Variants in FILIP1L observed in about 807,000 individuals in gnomAD.
FILIP1L encodes the protein filamin A interacting protein 1 like.
In FILIP1L, 55 loss-of-function variants were observed where a neutral mutation model predicts 96.6. That is an observed-to-expected ratio of 0.57 (90% CI 0.46 to 0.71). The LOEUF (loss-of-function observed/expected upper bound fraction) is 0.71, where lower values mean the gene tolerates loss of function less well. Among genes scored for constraint, FILIP1L ranks in the 30% least tolerant of loss-of-function variants. The probability of loss-of-function intolerance (pLI) is 0.00; values close to 1 mark genes in which losing one functional copy is unlikely to be tolerated. For synonymous variants in FILIP1L, 467 were observed against 473.9 expected (o/e 0.99, Z 0.19); for missense variants, 1,304 against 1,321.2 (o/e 0.99, Z 0.20).
At chr3:99,964,534 A>C (rs1299542535) in intron 1 of FILIP1L, 1 of 152,282 alleles carries the variant, frequency 6.6e-6, no homozygotes, top group African/African-American at 2.4e-5. Flanking sequence ...GCCAAAACCC[A>C]AATCTCATTC....
chr3:99,884,327 A>G (rs1467552254), intron 4 of FILIP1L, among the ~76,000 whole-genome samples: 30 of 152,244 alleles, frequency 2.0e-4, no homozygotes, highest in Non-Finnish European at 1.5e-5. Flanking sequence ...AATAGAAAGT[A>G]CATGGAAAAG....
intron 4 of FILIP1L, among the ~76,000 whole-genome samples, chr3:99,867,664 G>A (rs1368117894): frequency 6.6e-6 from 1 of 152,088 alleles, no homozygotes; most frequent in Admixed American, 6.6e-5. Context: ...GGTCTACAAA[G>A]CCTTTGGCAA....
At position 100,020,760 on chromosome 3, in the gene FILIP1L, C is replaced by CTTTTTTTTTT. The variant is rs34665880; in HGVS notation, c.-10-89740_-10-89731dup. On this transcript the variant is annotated intron_variant, in intron 1 of 5. Transcript: ENST00000477258. ...TTTTTAGAAAGTAATGAATAATTAG[C>CTTTTTTTTTT]TTTTTTTTTTTTTTTTTTTTTTTTT... Among the ~76,000 whole-genome samples the CTTTTTTTTTT allele has an allele frequency of 5.6e-5, 4 of 70,994 alleles. 1 individual carries two copies. The highest frequency in any genetic ancestry group is 1.2e-4 in the African/African-American group (2 of 17,038). 46.6% of individuals were successfully genotyped at this position (70,994 alleles called of 152,430 possible). A position where few individuals can be genotyped will look rare whatever the true frequency, so the allele number is the denominator to read the frequency against.
chr3:99,942,464 A>G (rs1310902897), intron 1 of FILIP1L, among the ~76,000 whole-genome samples: 1 of 152,214 alleles, frequency 6.6e-6, no homozygotes, highest in Non-Finnish European at 1.5e-5. Context: ...TACATTTTGT[A>G]TATTTGGAAA....
intron 1 of FILIP1L, among the ~76,000 whole-genome samples, chr3:100,058,161 T>A (rs1333414139): frequency 1.3e-5 from 2 of 152,208 alleles, no homozygotes; most frequent in Non-Finnish European, 1.5e-5. Context: ...GAACCAAGAC[T>A]GAGACTCCTA....
At chr3:99,993,637 T>A (rs1387024192) in intron 1 of FILIP1L, among the ~76,000 whole-genome samples, 3 of 152,170 alleles carry the variant, frequency 2.0e-5, no homozygotes, top group Non-Finnish European at 2.9e-5. Context: ...CTTTATTATG[T>A]TAATGTGTGT....
chr3:99,842,236 G>A (rs1452498651), intron 5 of FILIP1L, among the ~76,000 whole-genome samples: 3 of 152,170 alleles, frequency 2.0e-5, no homozygotes, highest in Non-Finnish European at 4.4e-5. Context: ...CTCAGGAATG[G>A]AAAACCAAAC....
chr3:100,006,903 G>T (rs757437667), intron 1 of FILIP1L, among the ~76,000 whole-genome samples: 1 of 152,166 alleles, frequency 6.6e-6, no homozygotes, highest in Non-Finnish European at 1.5e-5. Context: ...TCTCTAATAT[G>T]CATTGAGAAG....
intron 4 of FILIP1L, among the ~76,000 whole-genome samples, chr3:99,872,617 A>T (rs1193348390): frequency 2.0e-5 from 3 of 152,030 alleles, no homozygotes; most frequent in African/African-American, 7.3e-5. Flanking sequence ...TTTAAAAAAA[A>T]TTCTATACTT....
At position 99,924,240 on chromosome 3, in the gene FILIP1L, C is replaced by T; in HGVS notation, c.595G>A (p.Glu199Lys). 6.2e-7 allele frequency: 1 copy of T among 1,613,136 alleles called. No individual in the cohort carries two copies. The highest frequency in any genetic ancestry group is 1.1e-5 in the South Asian group (1 of 90,624). The change falls in exon 4 of 6, where the codon GAA becomes AAA. Residue 199 changes from glutamate (E) to lysine (K), a missense_variant. Coordinates refer to ENST00000477258, the MANE Select transcript of FILIP1L (RefSeq NM_001387850.1). ...CCAAAGCAGCCTTACCTTTCACATT[C>T]CTGTTCTAGTAGGCATATGAATTCA... ...SDEFICLLEQ[E>K]CERLKKLIDQ...
rs150366639 is a variant in FILIP1L at position 100,037,939 on chromosome 3, C to CTTT, written c.-11+76111_-11+76113dup. ...TAGGTTTTCCTTTTTAATCGCTTTT[C>CTTT]TTTTTTTTTTTTTTTTTGGGGGGGG... On this transcript the variant is annotated intron_variant, in intron 1 of 5. Coordinates refer to ENST00000477258, the MANE Select transcript of FILIP1L (RefSeq NM_001387850.1). Among the ~76,000 whole-genome samples, 459 of 118,118 alleles carry CTTT rather than the reference C, an allele frequency of 3.9e-3. 10 individuals are homozygous for CTTT. Among genetic ancestry groups the CTTT allele is most frequent in the African/African-American group, 0.013 (396 of 29,870 alleles). 77.5% of individuals were successfully genotyped at this position (118,118 alleles called of 152,430 possible).
intron 1 of FILIP1L, among the ~76,000 whole-genome samples, chr3:100,105,089 A>T (rs536507254): frequency 4.3e-4 from 66 of 152,300 alleles, no homozygotes; most frequent in African/African-American, 1.5e-3. Context: ...CTCTTAGCCT[A>T]GTCTTGGAAA....
At chr3:99,971,506 CTCACAGGAGATGCAGATGAAAATAT>C (rs1324826003) in intron 1 of FILIP1L, among the ~76,000 whole-genome samples, 1 of 152,178 alleles carries the variant, frequency 6.6e-6, no homozygotes, top group African/African-American at 2.4e-5. Context: ...GGAATGAGGT[CTCACAGGAGATGCAGATGAAAATAT>C]GTTAGTATTG....
chr3:99,903,710 C>T lies in FILIP1L; in HGVS notation c.605+20520G>A, dbSNP rs533874832. ...TCTTAACAGGACCCTACACAACATC[C>T]TTGTAGCTACCATGAGAAACTGGGA... On this transcript the variant is annotated intron_variant, in intron 4 of 5. Transcript: ENST00000477258. 3.3e-5 allele frequency among the ~76,000 whole-genome samples: 5 copies of T among 152,106 alleles called. No homozygotes were observed. The South Asian group carries it at 1.0e-3, about 32-fold the overall frequency.
intron 1 of FILIP1L, among the ~76,000 whole-genome samples, chr3:100,030,651 C>G (rs1383672907): frequency 6.6e-6 from 1 of 152,078 alleles, no homozygotes; most frequent in Non-Finnish European, 1.5e-5. Context: ...AATCATTGTC[C>G]CCACAACTAA....
chr3:99,844,298 T>C (rs544075445), intron 5 of FILIP1L, among the ~76,000 whole-genome samples: 147 of 152,310 alleles, frequency 9.7e-4, no homozygotes, highest in African/African-American at 3.4e-3. Flanking sequence ...TGGAACTTAA[T>C]ATCAGGGGAT....
intron 1 of FILIP1L, among the ~76,000 whole-genome samples, chr3:100,059,541 A>G (rs140166778): frequency 4.6e-5 from 7 of 152,156 alleles, no homozygotes; most frequent in Admixed American, 1.3e-4. Context: ...CAAAGTTTCT[A>G]TCCTCCAAGG....
At chr3:99,891,513 T>G (rs764019160) in intron 4 of FILIP1L, among the ~76,000 whole-genome samples, 3 of 152,178 alleles carry the variant, frequency 2.0e-5, no homozygotes, top group Non-Finnish European at 4.4e-5. Context: ...ATAGATGTAT[T>G]TTTTGAAATA....
At chr3:99,881,588 A>C (rs1342253950) in intron 4 of FILIP1L, among the ~76,000 whole-genome samples, 1 of 150,748 alleles carries the variant, frequency 6.6e-6, no homozygotes, top group Non-Finnish European at 1.5e-5. Flanking sequence ...ATTGGAGTGC[A>C]GTAGTGCAAG....
Sources: gnomAD v4.1 joint callset for allele counts (sites outside exome capture counted in the v4.1 genomes callset) on GRCh38, gnomAD v4.1.1 for gene constraint, MANE v1.5 for transcripts, NCBI Gene and HGNC (gene_info 2026-07-23, HGNC 2026-07-21) for gene names.